The following DRAM1 variants were observed in gnomAD, a reference collection of about 807,000 sequenced individuals.
DRAM1 encodes the protein DNA damage regulated autophagy modulator 1.
A neutral mutation model predicts 28.5 loss-of-function variants in DRAM1; 25 were observed. That is an observed-to-expected ratio of 0.88 (90% CI 0.64 to 1.23). DRAM1 has a LOEUF of 1.23. Ranked by LOEUF, DRAM1 falls within the 50% of genes most tolerant of loss-of-function variation. The pLI, the probability that DRAM1 is intolerant of heterozygous loss-of-function variation, is 0.00. For synonymous variants in DRAM1, 113 were observed against 114.2 expected (o/e 0.99, Z 0.07); for missense variants, 249 against 299.2 (o/e 0.83, Z 1.24).
chr12:101,919,908 TGG>T (rs1389368452), intron 5 of DRAM1, 199 bp from the exon 6 acceptor site: 1 of 392,126 alleles, frequency 2.6e-6, no homozygotes, highest in Admixed American at 4.5e-5. Flanking sequence ...GAAAGAACTT[TGG>T]AATACCTGCC....
At chr12:101,896,551 C>T (rs763272637) in intron 1 of DRAM1, among the ~76,000 whole-genome samples, 2 of 152,028 alleles carry the variant, frequency 1.3e-5, no homozygotes, top group South Asian at 2.1e-4. Context: ...ATTGCTTGAG[C>T]TCAGGACTTC....
At chr12:101,909,261 C>A (rs1483499932) in intron 4 of DRAM1, among the ~76,000 whole-genome samples, 102 of 141,890 alleles carry the variant, frequency 7.2e-4, no homozygotes, top group Non-Finnish European at 9.0e-4. Flanking sequence ...AACTCCGTCT[C>A]AAAAAAAAAA....
In DRAM1 at chr12:101,908,229, C is replaced by T. The variant is rs755250610; in HGVS notation, c.386C>T (p.Ala129Val). The change falls in exon 4 of 7, where the codon GCC becomes GTC. Residue 129 changes from alanine (A) to valine (V), a missense_variant. Ala to Val is a moderately conservative substitution (Grantham distance 64, BLOSUM62 0). Around this residue, in one of 3 missense-constraint regions of DRAM1, gnomAD observed 218 missense variants for 243.1 expected, o/e 0.90. Coordinates refer to ENST00000258534, the MANE Select transcript of DRAM1 (RefSeq NM_018370.3). ...PVVHDGGALLAFVCGVVYTLL... is the reference protein window; with the variant it reads ...PVVHDGGALLVFVCGVVYTLL... ...GTTCATGACGGGGGCGCTCTTTTGG[C>T]CTTTGTCTGTGGTGTCGTGTACACG... 1 of 1,613,266 alleles carries T rather than the reference C, an allele frequency of 6.2e-7. No homozygotes were observed. Among genetic ancestry groups the T allele is most frequent in the East Asian group, 2.2e-5 (1 of 44,862 alleles).
intron 5 of DRAM1, among the ~76,000 whole-genome samples, chr12:101,915,018 C>T (rs1371299218): frequency 8.1e-5 from 12 of 147,840 alleles, no homozygotes; most frequent in East Asian, 6.1e-4. Flanking sequence ...CTCGTTCTGC[C>T]GCCCAGGCTG....
At chr12:101,903,728 T>C (rs1258179764) in intron 3 of DRAM1, among the ~76,000 whole-genome samples, 1 of 152,092 alleles carries the variant, frequency 6.6e-6, no homozygotes, top group African/African-American at 2.4e-5. Context: ...GATTGATATG[T>C]TAATTACCTT....
intron 1 of DRAM1, among the ~76,000 whole-genome samples, chr12:101,894,650 A>C (rs1873279624): frequency 6.6e-6 from 1 of 152,184 alleles, no homozygotes; most frequent in Non-Finnish European, 1.5e-5. Context: ...TGTGGACTCC[A>C]CACCTGGGCC....
chr12:101,922,642 T>G lies in DRAM1; in HGVS notation c.*1382T>G, dbSNP rs1874526617. ...GTTTAGCATATGTTATTAGAACATG[T>G]CCGACACCCCTACCGCTGCCATTTG... On this transcript the variant is annotated 3_prime_UTR_variant, in exon 7 of 7. Coordinates refer to ENST00000258534, the MANE Select transcript of DRAM1 (RefSeq NM_018370.3). 1 of 152,250 alleles carries G rather than the reference T, an allele frequency of 6.6e-6. No homozygotes were observed. Among genetic ancestry groups the G allele is most frequent in the East Asian group, 1.9e-4 (1 of 5,204 alleles). 9.4% of individuals were successfully genotyped at this position (152,250 alleles called of 1,614,324 possible).
intron 4 of DRAM1, among the ~76,000 whole-genome samples, chr12:101,909,733 G>A (rs556722759): frequency 6.6e-6 from 1 of 152,156 alleles, no homozygotes; most frequent in South Asian, 2.1e-4. Flanking sequence ...TAAATTTAGC[G>A]TGCTTGTAGA....
intron 4 of DRAM1, among the ~76,000 whole-genome samples, chr12:101,909,148 C>T (rs1447513933): frequency 6.6e-6 from 1 of 151,870 alleles, no homozygotes; most frequent in African/African-American, 2.4e-5. Context: ...GTAATCCCAG[C>T]TACTTGGGAG....
At chr12:101,905,216 A>G (rs1196983806) in intron 3 of DRAM1, among the ~76,000 whole-genome samples, 1 of 152,172 alleles carries the variant, frequency 6.6e-6, no homozygotes, top group Admixed American at 6.6e-5. Context: ...TATTTTTCAT[A>G]TATAACTTCC....
In DRAM1 at chr12:101,921,341, G is replaced by A; in HGVS notation, c.*81G>A. 8.9e-7 allele frequency: 1 copy of A among 1,128,590 alleles called. No homozygotes were observed. Among genetic ancestry groups the A allele is most frequent in the South Asian group, 1.2e-5 (1 of 80,388 alleles). The allele number at this position is 1,128,590 out of a possible 1,614,324, so 69.9% of individuals were successfully genotyped here. On this transcript the variant is annotated 3_prime_UTR_variant, in exon 7 of 7. Coordinates refer to ENST00000258534, the MANE Select transcript of DRAM1 (RefSeq NM_018370.3). ...TACAGAGGACAGACAGGGTTTTGAG[G>A]CCACCCTGATTATTGGGATGCATCT...
intron 4 of DRAM1, among the ~76,000 whole-genome samples, chr12:101,908,670 GA>G (rs1873916999): frequency 8.4e-6 from 1 of 119,738 alleles, no homozygotes; most frequent in Non-Finnish European, 1.9e-5. Context: ...GGGAAGGGTG[GA>G]GGAGGAGGAG....
intron 1 of DRAM1, chr12:101,890,024 G>A: frequency 4.4e-6 from 2 of 452,132 alleles, no homozygotes; most frequent in Admixed American, 4.8e-5. Flanking sequence ...CTGGCGGAAT[G>A]TAGTTGCCAA....
At position 101,923,246 on chromosome 12, in the gene DRAM1, G is replaced by T. The variant is rs1874552252; in HGVS notation, c.*1986G>T. ...GCATTCATTATTCTGAAGAGGAGGA[G>T]AAATGCCACATACCTTTCCCATGGG... is the stretch of plus-strand genomic sequence containing the variant. On this transcript the variant is annotated 3_prime_UTR_variant, in exon 7 of 7. Coordinates refer to ENST00000258534, the MANE Select transcript of DRAM1 (RefSeq NM_018370.3). 6.6e-6 allele frequency: 1 copy of T among 152,176 alleles called. No homozygotes were observed. Among genetic ancestry groups the T allele is most frequent in the South Asian group, 2.1e-4 (1 of 4,828 alleles). The allele number at this position is 152,176 out of a possible 1,614,324, so 9.4% of individuals were successfully genotyped here.
intron 4 of DRAM1, among the ~76,000 whole-genome samples, chr12:101,911,582 C>T (rs900048501): frequency 6.6e-6 from 1 of 152,126 alleles, no homozygotes; most frequent in Non-Finnish European, 1.5e-5. Flanking sequence ...CTGGATTATC[C>T]TCCTCCACTT....
chr12:101,894,179 A>G (rs1873255026), intron 1 of DRAM1, among the ~76,000 whole-genome samples: 1 of 152,238 alleles, frequency 6.6e-6, no homozygotes, highest in Admixed American at 6.5e-5. Context: ...GTGCAATGGC[A>G]TGATCTCGGC....
In DRAM1 at chr12:101,903,958, CA is replaced by C. The variant is rs1566127249; in HGVS notation, c.342+2526del. On this transcript the variant is annotated intron_variant, in intron 3 of 6. Transcript: ENST00000258534. Reference sequence around the variant, plus strand: ...ACACACACACACACACACACACACACACACCCCTATAAGCCTCATAAATATG... The same window carrying C: ...ACACACACACACACACACACACACACCACCCCTATAAGCCTCATAAATATG... Among the ~76,000 whole-genome samples, 432 of 126,660 alleles carry C rather than the reference CA, an allele frequency of 3.4e-3. 2 individuals carry two copies. Among genetic ancestry groups the C allele is most frequent in the African/African-American group, 0.012 (261 of 21,304 alleles). 83.1% of individuals were successfully genotyped at this position (126,660 alleles called of 152,430 possible). A position where few individuals can be genotyped will look rare whatever the true frequency, so the allele number is the denominator to read the frequency against.
At chr12:101,892,387 C>T (rs1873167673) in intron 1 of DRAM1, among the ~76,000 whole-genome samples, 1 of 149,798 alleles carries the variant, frequency 6.7e-6, no homozygotes, top group East Asian at 2.0e-4. Context: ...AGGCACCCAC[C>T]ACCATGCCAG....
At chr12:101,906,538 A>G (rs1873814635) in intron 3 of DRAM1, among the ~76,000 whole-genome samples, 1 of 152,220 alleles carries the variant, frequency 6.6e-6, no homozygotes, top group Non-Finnish European at 1.5e-5. Flanking sequence ...CTCGACTGGA[A>G]GGTTGTGCCC....
Sources: allele counts gnomAD v4.1 joint callset (sites outside exome capture counted in the v4.1 genomes callset), GRCh38; gene constraint gnomAD v4.1.1; regional missense constraint gnomAD v4.1.1; transcripts MANE v1.5; gene names NCBI Gene and HGNC (gene_info 2026-07-23, HGNC 2026-07-21).